TAFA2: variants seen among roughly 807,000 people sequenced by gnomAD.
TAFA2 encodes chemokine-like protein TAFA-2.
In TAFA2, 7 loss-of-function variants were observed where a neutral mutation model predicts 18.8. The observed-to-expected ratio is 0.37, with a 90% confidence interval of 0.21 to 0.70. The LOEUF (loss-of-function observed/expected upper bound fraction) is 0.70, where lower values mean the gene tolerates loss of function less well. TAFA2 is among the 30% of genes least tolerant of loss of function. The pLI is 0.53. For synonymous variants in TAFA2, 60 were observed against 54.2 expected (o/e 1.11, Z -0.47); for missense variants, 122 against 158.1 (o/e 0.77, Z 1.23).
intron 2 of TAFA2, among the ~76,000 whole-genome samples, chr12:61,851,135 TA>T (rs1459916552): frequency 6.6e-6 from 1 of 151,980 alleles, no homozygotes; most frequent in Non-Finnish European, 1.5e-5. Flanking sequence ...GTGAGAAAAA[TA>T]AACATTAACA....
chr12:62,035,781 G>A (rs111686016), intron 1 of TAFA2, among the ~76,000 whole-genome samples: 1 of 117,376 alleles, frequency 8.5e-6, no homozygotes, highest in Non-Finnish European at 1.6e-5. Context: ...TCGCTCTGTC[G>A]CCCAGGCTGG....
At chr12:62,163,553 T>C (rs753655796) in intron 1 of TAFA2, among the ~76,000 whole-genome samples, 4 of 152,102 alleles carry the variant, frequency 2.6e-5, no homozygotes, top group Non-Finnish European at 4.4e-5. Flanking sequence ...CTAAGGCAAG[T>C]GGTTTTAGTT....
At chr12:61,753,587 G>A (rs770994630) in intron 4 of TAFA2, 35 bp downstream of exon 4, 13 of 1,595,328 alleles carry the variant, frequency 8.1e-6, no homozygotes, top group Non-Finnish European at 1.1e-5. Flanking sequence ...TTAATTCAGA[G>A]ACATTCTGTT....
intron 4 of TAFA2, among the ~76,000 whole-genome samples, chr12:61,725,765 C>A (rs940103822): frequency 1.3e-5 from 2 of 151,496 alleles, no homozygotes; most frequent in African/African-American, 4.8e-5. Context: ...TTTGGCAAAG[C>A]AAGTAACCTG....
At chr12:62,229,205 T>C (rs1174188922) in intron 1 of TAFA2, among the ~76,000 whole-genome samples, 3 of 152,138 alleles carry the variant, frequency 2.0e-5, no homozygotes, top group Non-Finnish European at 4.4e-5. Flanking sequence ...CTTCAATTTA[T>C]TTTTCTTGCC....
At chr12:61,748,550 G>A (rs1868846285) in intron 4 of TAFA2, among the ~76,000 whole-genome samples, 1 of 152,070 alleles carries the variant, frequency 6.6e-6, no homozygotes, top group Non-Finnish European at 1.5e-5. Context: ...CTCTTGCTGT[G>A]TACATCATTT....
chr12:61,839,571 G>T (rs144870016), intron 2 of TAFA2, among the ~76,000 whole-genome samples: 23 of 152,174 alleles, frequency 1.5e-4, no homozygotes, highest in African/African-American at 5.5e-4. Flanking sequence ...TAGGCAGCCT[G>T]AAAATATGAA....
intron 1 of TAFA2, among the ~76,000 whole-genome samples, chr12:62,174,754 G>A (rs115716411): frequency 1.3e-5 from 2 of 151,960 alleles, no homozygotes; most frequent in East Asian, 1.9e-4. Context: ...ATCTTTACAC[G>A]GCTCTAAATA....
chr12:61,744,032 G>C (rs1464152278), intron 4 of TAFA2, among the ~76,000 whole-genome samples: 1 of 152,052 alleles, frequency 6.6e-6, no homozygotes, highest in East Asian at 1.9e-4. Flanking sequence ...CCAGGTAAAA[G>C]TGTTGCCTCT....
chr12:62,179,706 T>C (rs2062538879), intron 1 of TAFA2, among the ~76,000 whole-genome samples: 1 of 152,190 alleles, frequency 6.6e-6, no homozygotes, highest in African/African-American at 2.4e-5. Context: ...TTTTCTAACT[T>C]CTTACTTTTC....
At chr12:61,910,776 G>A (rs1348591720) in intron 1 of TAFA2, among the ~76,000 whole-genome samples, 1 of 152,194 alleles carries the variant, frequency 6.6e-6, no homozygotes, top group Non-Finnish European at 1.5e-5. Context: ...TTGCTGCAGA[G>A]CAATAAATAG....
chr12:62,066,790 T>C (rs1404340330), intron 1 of TAFA2, among the ~76,000 whole-genome samples: 2 of 152,078 alleles, frequency 1.3e-5, no homozygotes, highest in Non-Finnish European at 2.9e-5. Context: ...TGCAGATATA[T>C]TTTCAACCTA....
chr12:62,194,780 T>C (rs1172446767), upstream of TAFA2, among the ~76,000 whole-genome samples: 4 of 152,334 alleles, frequency 2.6e-5, no homozygotes, highest in Admixed American at 6.5e-5. Context: ...TCAAAAATGT[T>C]GCAGGTTTGG....
At chr12:62,028,622 G>T (rs1180194293) in intron 1 of TAFA2, among the ~76,000 whole-genome samples, 1 of 152,122 alleles carries the variant, frequency 6.6e-6, no homozygotes. Flanking sequence ...CACACAAATT[G>T]TACAAACTCA....
chr12:62,142,951 A>C (rs1307810220), intron 1 of TAFA2, among the ~76,000 whole-genome samples: 1 of 152,228 alleles, frequency 6.6e-6, no homozygotes, highest in Non-Finnish European at 1.5e-5. Context: ...TCCAGAGGAA[A>C]AAAGTGAAGC....
chr12:62,047,649 C>T (rs1363949073), intron 1 of TAFA2, among the ~76,000 whole-genome samples: 1 of 151,992 alleles, frequency 6.6e-6, no homozygotes, highest in East Asian at 1.9e-4. Flanking sequence ...AAACCAAAAC[C>T]TAACCATGTA....
intron 1 of TAFA2, among the ~76,000 whole-genome samples, chr12:62,127,479 C>T (rs1363528322): frequency 6.6e-6 from 1 of 151,970 alleles, no homozygotes; most frequent in Non-Finnish European, 1.5e-5. Flanking sequence ...AAAACTGGTT[C>T]ATCTTAAGTT....
chr12:61,762,888 G>T (rs1869621188), intron 2 of TAFA2, among the ~76,000 whole-genome samples: 1 of 151,976 alleles, frequency 6.6e-6, no homozygotes, highest in African/African-American at 2.4e-5. Flanking sequence ...GCTCCCTGGA[G>T]AATCTATATT....
intron 1 of TAFA2, among the ~76,000 whole-genome samples, chr12:62,159,362 C>A (rs1400554593): frequency 6.6e-6 from 1 of 152,130 alleles, no homozygotes; most frequent in East Asian, 1.9e-4. Context: ...GAACAGCCAC[C>A]ATAAACTGAG....
Sources: gnomAD v4.1 joint callset for allele counts (sites outside exome capture counted in the v4.1 genomes callset) on GRCh38, gnomAD v4.1.1 for gene constraint, MANE v1.5 for transcripts, NCBI Gene and HGNC (gene_info 2026-07-23, HGNC 2026-07-21) for gene names.